AUTS2: variants seen among roughly 807,000 people sequenced by gnomAD.
AUTS2 encodes the protein activator of transcription and developmental regulator AUTS2.
AUTS2 carries 17 observed loss-of-function variants against 112.4 expected under a neutral mutation model. The ratio of observed to expected loss-of-function variants is 0.15; its 90% CI spans 0.10 to 0.23. The LOEUF (loss-of-function observed/expected upper bound fraction) is 0.23, where lower values mean the gene tolerates loss of function less well. Ranked by LOEUF, AUTS2 falls within the 10% of genes least tolerant of loss-of-function variation. The pLI, the probability that AUTS2 is intolerant of heterozygous loss-of-function variation, is 1.00. For missense variants in AUTS2, 1,510 were observed against 1,701.6 expected, an observed-to-expected ratio of 0.89 and a Z score of 1.98; for synonymous variants, 751 against 702.7, an observed-to-expected ratio of 1.07 and a Z score of -1.09.
chr7:69,702,133 G>A (rs1797842147), intron 1 of AUTS2, among the ~76,000 whole-genome samples: 1 of 152,210 alleles, frequency 6.6e-6, no homozygotes. Context: ...AATGGAGAGG[G>A]TAGACAGTTC....
At chr7:70,745,823 C>A (rs1276238823) in intron 6 of AUTS2, among the ~76,000 whole-genome samples, 1 of 152,146 alleles carries the variant, frequency 6.6e-6, no homozygotes, top group Admixed American at 6.5e-5. Context: ...TTCACACTTG[C>A]TTGCGTTATA....
intron 6 of AUTS2, among the ~76,000 whole-genome samples, chr7:70,709,281 C>T (rs1247673630): frequency 6.6e-6 from 1 of 152,082 alleles, no homozygotes; most frequent in African/African-American, 2.4e-5. Context: ...AGCCCCATGC[C>T]CAAGCCTGAG....
intron 5 of AUTS2, among the ~76,000 whole-genome samples, chr7:70,486,117 A>G (rs1478698564): frequency 6.6e-6 from 1 of 152,232 alleles, no homozygotes; most frequent in Non-Finnish European, 1.5e-5. Context: ...CTATTAAATC[A>G]GAAGTCTGCC....
intron 6 of AUTS2, among the ~76,000 whole-genome samples, chr7:70,751,461 T>C (rs537015692): frequency 6.6e-6 from 1 of 152,352 alleles, no homozygotes; most frequent in African/African-American, 2.4e-5. Context: ...AAATTATTCC[T>C]ATTCAGTGCC....
intron 2 of AUTS2, among the ~76,000 whole-genome samples, chr7:70,111,425 A>G (rs1381035145): frequency 6.6e-6 from 1 of 152,206 alleles, no homozygotes; most frequent in Non-Finnish European, 1.5e-5. Flanking sequence ...TAAGTTAGAT[A>G]CCATAAAATT....
intron 15 of AUTS2, chr7:70,783,988 C>G (rs1478472342): frequency 6.6e-6 from 1 of 151,988 alleles, no homozygotes; most frequent in Non-Finnish European, 1.5e-5. Flanking sequence ...ATAGAGGCAT[C>G]TTCAAGAAGT....
intron 2 of AUTS2, among the ~76,000 whole-genome samples, chr7:69,948,442 A>G (rs1337159653): frequency 2.6e-5 from 4 of 152,226 alleles, no homozygotes; most frequent in African/African-American, 9.6e-5. Flanking sequence ...TTAAGCAAAT[A>G]AAAACATACA....
chr7:70,649,806 C>T (rs1248773544), intron 5 of AUTS2, among the ~76,000 whole-genome samples: 2 of 151,906 alleles, frequency 1.3e-5, no homozygotes, highest in Admixed American at 1.3e-4. Flanking sequence ...GGATTATAGG[C>T]GTGAGCCACC....
At position 70,516,124 on chromosome 7, in the gene AUTS2, T is replaced by C. The variant is rs75429120; in HGVS notation, c.690+80343T>C. 8.7e-3 allele frequency among the ~76,000 whole-genome samples: 1,326 copies of C among 152,334 alleles called. 10 individuals are homozygous for C. Among genetic ancestry groups the C allele is most frequent in the Non-Finnish European group, 0.01 (692 of 68,028 alleles). On this transcript the variant is annotated intron_variant, in intron 5 of 18. Transcript: ENST00000342771. The stretch of plus-strand genomic sequence containing the variant: ...GCTCTTTCAGATGATTGAATGTAAC[T>C]GATTCTTGTAGCAGAACACTGATTG...
At position 70,790,062 on chromosome 7, in the gene AUTS2, T is replaced by C. The variant is rs1424579758; in HGVS notation, c.2846T>C (p.Val949Ala). Reference sequence around the variant, plus strand: ...TCTCCCTACGTGCGGACCCCGGTGGTGGAGAGTGCCAGGCCCAACAGCACC... The same window carrying C: ...TCTCCCTACGTGCGGACCCCGGTGGCGGAGAGTGCCAGGCCCAACAGCACC... ...VPSPYVRTPV[V>A]ESARPNSTSS... is the part of the protein sequence containing the mutation. Residue 949 changes from valine to alanine, a missense_variant, in exon 19 of 19, where the codon GTG (valine) becomes GCG (alanine). Physicochemically the swap from Val to Ala is moderately conservative, Grantham distance 64 (BLOSUM62 0). Around this residue, in one of 3 missense-constraint regions of AUTS2, gnomAD observed 788 missense variants for 797.6 expected, o/e 0.99. Coordinates refer to ENST00000342771, the MANE Select transcript of AUTS2 (RefSeq NM_015570.4). This position sits in a 1 kb window ranked among gnomAD's most constrained non-coding sequence, Gnocchi z 7.6. 2 of 1,576,608 alleles carry C rather than the reference T, an allele frequency of 1.3e-6. No homozygotes were observed. Among genetic ancestry groups the C allele is most frequent in the African/African-American group, 2.7e-5 (2 of 73,938 alleles).
intron 6 of AUTS2, among the ~76,000 whole-genome samples, chr7:70,755,199 G>T (rs186363163): frequency 1.4e-4 from 22 of 152,206 alleles, no homozygotes; most frequent in Admixed American, 1.4e-3. Flanking sequence ...ACTTCACCAT[G>T]TGAGTTTGAG....
intron 1 of AUTS2, among the ~76,000 whole-genome samples, chr7:69,695,578 A>G (rs1192230714): frequency 1.3e-5 from 2 of 152,192 alleles, no homozygotes; most frequent in Non-Finnish European, 1.5e-5. Flanking sequence ...TCACTTTAAA[A>G]ACAAAATTAA....
chr7:70,256,793 A>C (rs896219975), intron 4 of AUTS2, among the ~76,000 whole-genome samples: 2 of 152,216 alleles, frequency 1.3e-5, no homozygotes, highest in Admixed American at 6.5e-5. Flanking sequence ...TTTTCTTATT[A>C]TAGCTTTCAG....
chr7:70,076,821 C>G (rs1279487620), intron 2 of AUTS2, among the ~76,000 whole-genome samples: 1 of 152,180 alleles, frequency 6.6e-6, no homozygotes, highest in Non-Finnish European at 1.5e-5. Flanking sequence ...AGTACAAATA[C>G]AAATTGTGAA....
rs944113222 is a variant in AUTS2, at chr7:70,051,012, A to G, written c.523-67120A>G. Among the ~76,000 whole-genome samples the G allele has an allele frequency of 2.6e-5, 4 of 152,222 alleles. No homozygotes were observed. In the East Asian group the frequency reaches 7.7e-4, roughly 29 times the overall value. On this transcript the variant is annotated intron_variant, in intron 2 of 18. Transcript: ENST00000342771. ...TCTGTCTCCATCAATCAATCAATCA[A>G]TTATTATTCATAAAATGAGAAGAAG...
rs965921224 is a variant in AUTS2, at chr7:69,816,905, G to T, written c.310-82381G>T. On this transcript the variant is annotated intron_variant, in intron 1 of 18. Coordinates refer to ENST00000342771, the MANE Select transcript of AUTS2 (RefSeq NM_015570.4). ...TCATTCGTTCAGCAAGTTCTTGGTG[G>T]CATGGGCTTTGAAGCCAGACAGCTG... is the stretch of plus-strand genomic sequence containing the variant. Among the ~76,000 whole-genome samples the T allele has an allele frequency of 5.9e-5, 9 of 152,232 alleles. 1 individual carries two copies. The South Asian group carries it at 6.3e-4, about 11-fold the overall frequency.
chr7:70,713,568 C>T, intron 6 of AUTS2, among the ~76,000 whole-genome samples: 1 of 152,162 alleles, frequency 6.6e-6, no homozygotes, highest in East Asian at 1.9e-4. Flanking sequence ...CAAACTTTAG[C>T]CTGCATCAAA....
Position 70,659,415 on chromosome 7 carries a change from G to A in AUTS2, c.691-39154G>A, listed in dbSNP as rs118060540. 1.7e-3 allele frequency among the ~76,000 whole-genome samples: 259 copies of A among 152,216 alleles called. 1 individual carries two copies. Among genetic ancestry groups the A allele is most frequent in the Non-Finnish European group, 3.1e-3 (213 of 68,026 alleles). On this transcript the variant is annotated intron_variant, in intron 5 of 18. Transcript: ENST00000342771. ...CTCCCACCTAGGTGATTCCATGTGCGGTCCGGGCTGAGAGCCACTGTCCCG... is the reference window on the plus strand; with the variant it reads ...CTCCCACCTAGGTGATTCCATGTGCAGTCCGGGCTGAGAGCCACTGTCCCG...
At chr7:70,364,100 G>A (rs1007257086) in intron 4 of AUTS2, among the ~76,000 whole-genome samples, 1 of 152,146 alleles carries the variant, frequency 6.6e-6, no homozygotes, top group African/African-American at 2.4e-5. Context: ...TGGCCAAGTT[G>A]ATGGTGATCA....
Sources: allele counts gnomAD v4.1 joint callset (sites outside exome capture counted in the v4.1 genomes callset), GRCh38; gene constraint gnomAD v4.1.1; regional missense constraint gnomAD v4.1.1; non-coding constraint Gnocchi (gnomAD v3.1); transcripts MANE v1.5; gene names NCBI Gene and HGNC (gene_info 2026-07-23, HGNC 2026-07-21).